The following VPS52 variants were observed in gnomAD, a reference collection of about 807,000 sequenced individuals.
VPS52 encodes the protein VPS52 subunit of GARP complex.
In VPS52, 56 loss-of-function variants were observed where a neutral mutation model predicts 98.7. The ratio of observed to expected loss-of-function variants is 0.57; its 90% CI spans 0.46 to 0.71. The LOEUF is 0.71. Ranked by LOEUF, VPS52 falls within the 30% of genes least tolerant of loss-of-function variation. The pLI, the probability that VPS52 is intolerant of heterozygous loss-of-function variation, is 0.00. For synonymous variants in VPS52, 348 were observed against 346.4 expected (o/e 1.00, Z -0.05); for missense variants, 742 against 925.9 (o/e 0.80, Z 2.58).
intron 17 of VPS52, chr6:33,255,117 C>T (rs1482755535): frequency 6.6e-6 from 1 of 152,116 alleles, no homozygotes; most frequent in Non-Finnish European, 1.5e-5. Flanking sequence ...TTGTGGCATG[C>T]ATTATATTCC....
chr6:33,269,851 G>A, intron 3 of VPS52, 32 bp from the exon 4 acceptor site: 2 of 1,607,652 alleles, frequency 1.2e-6, no homozygotes, highest in African/African-American at 1.3e-5. Context: ...AGGTCAGAAG[G>A]AAGTCTCAGT....
intron 12 of VPS52, 85 bp from the exon 13 acceptor site, chr6:33,264,985 T>C: frequency 8.2e-7 from 1 of 1,213,370 alleles, no homozygotes; most frequent in Non-Finnish European, 1.2e-6. Flanking sequence ...CATTTGTTTC[T>C]TTGGGGATGA....
In VPS52 at chr6:33,263,514, G is replaced by A; in HGVS notation, c.1764C>T (p.Ser588=). 2 of 1,613,912 alleles carry A rather than the reference G, an allele frequency of 1.2e-6. No individual in the cohort carries two copies. Among genetic ancestry groups the A allele is most frequent in the Non-Finnish European group, 1.7e-6 (2 of 1,180,012 alleles). ...RAADDSKEVE[S]FQQLLNARTQ... Reference sequence around the variant, plus strand: ...TCCGAGCATTGAGCAGCTGCTGGAAGCTCTCAACCTCTTTGCTGTCATCTG... The same window carrying A: ...TCCGAGCATTGAGCAGCTGCTGGAAACTCTCAACCTCTTTGCTGTCATCTG... Residue 588 remains serine (S), a synonymous_variant, in exon 17 of 20, where the codon AGC becomes AGT. Coordinates refer to ENST00000445902, the MANE Select transcript of VPS52 (RefSeq NM_022553.6).
Position 33,251,648 on chromosome 6 carries a change from A to C in VPS52, c.1907-12T>G. 1 of 1,601,672 alleles carries C rather than the reference A, an allele frequency of 6.2e-7. No homozygotes were observed. The highest frequency in any genetic ancestry group is 8.5e-7 in the Non-Finnish European group (1 of 1,169,770). On this transcript the variant is annotated splice_polypyrimidine_tract_variant and intron_variant, in intron 18 of 19. Transcript: ENST00000445902. ...CTGAGTTACCCGGGCTAATAGCAGG[A>C]GGAAACAGTGTCAGAGAGGGATCTG...
At chr6:33,254,052 C>G (rs889414681) in intron 17 of VPS52, among the ~76,000 whole-genome samples, 3 of 151,888 alleles carry the variant, frequency 2.0e-5, no homozygotes, top group Non-Finnish European at 4.4e-5. Flanking sequence ...AAGCAAACAA[C>G]CCAGACAGAA....
Position 33,267,163 on chromosome 6 carries a change from G to T in VPS52, c.1125+25C>A, listed in dbSNP as rs754938183. 6.8e-7 allele frequency: 1 copy of T among 1,467,218 alleles called. No homozygotes were observed. The highest frequency in any genetic ancestry group is 1.6e-5 in the South Asian group (1 of 63,644). 90.9% of individuals were successfully genotyped at this position (1,467,218 alleles called of 1,614,324 possible). ...CCACCGTGCTCAGAGCCTCTTTCGT[G>T]ACTGAAGCTTGTTCCTCCTCATACC... On this transcript the variant is annotated intron_variant, in intron 11 of 19. Coordinates refer to ENST00000445902, the MANE Select transcript of VPS52 (RefSeq NM_022553.6). This position sits in a 1 kb window ranked among gnomAD's most constrained non-coding sequence, Gnocchi z 4.2.
rs1762084904 is a variant in VPS52 at position 33,250,482 on chromosome 6, T to C, written c.*359A>G. Reference sequence around the variant, plus strand: ...TGAGGAGGCTTCATGCCTCAGGACATGGTGACTAGTTGAGTGAACCAGAGA... The same window carrying C: ...TGAGGAGGCTTCATGCCTCAGGACACGGTGACTAGTTGAGTGAACCAGAGA... On this transcript the variant is annotated 3_prime_UTR_variant, in exon 20 of 20. Transcript: ENST00000445902. 1 of 240,086 alleles carries C rather than the reference T, an allele frequency of 4.2e-6. No homozygotes were observed. Among genetic ancestry groups the C allele is most frequent in the African/African-American group, 2.3e-5 (1 of 44,158 alleles). 14.9% of individuals were successfully genotyped at this position (240,086 alleles called of 1,614,324 possible).
chr6:33,255,927 C>G (rs1762895139), intron 17 of VPS52, among the ~76,000 whole-genome samples: 1 of 152,098 alleles, frequency 6.6e-6, no homozygotes. Context: ...CAGGCATGAG[C>G]CACAGCACCA....
intron 17 of VPS52, among the ~76,000 whole-genome samples, chr6:33,258,547 T>C (rs1389038670): frequency 6.6e-6 from 1 of 152,052 alleles, no homozygotes; most frequent in Non-Finnish European, 1.5e-5. Context: ...ATGTAGATGA[T>C]GCAAAGAACT....
rs1365676973 is a variant in VPS52 at position 33,251,886 on chromosome 6, T to C, written c.1880A>G (p.Gln627Arg). ...KEAEALIERG[Q>R]AERLRGEEAR... is the part of the protein sequence containing the mutation. ...TTCTTCCCCTCGAAGTCGCTCAGCC[T>C]GTCCACGCTCAATCAAAGCCTCAGC... The change falls in exon 18 of 20, where the codon CAG becomes CGG. Residue 627 changes from glutamine (Q) to arginine (R), a missense_variant. Around this residue, in one of 2 missense-constraint regions of VPS52, gnomAD observed 590 missense variants for 793.3 expected, o/e 0.74. Transcript: ENST00000445902. 1.2e-6 allele frequency: 2 copies of C among 1,613,268 alleles called. No individual in the cohort carries two copies. The highest frequency in any genetic ancestry group is 1.7e-6 in the Non-Finnish European group (2 of 1,180,044).
At chr6:33,266,160 A>ATT (rs9280390) in intron 12 of VPS52, among the ~76,000 whole-genome samples, 32 of 119,634 alleles carry the variant, frequency 2.7e-4, no homozygotes, top group Admixed American at 3.5e-4. Flanking sequence ...GCACCTGGCT[A>ATT]TTTTTTTTTT....
At chr6:33,257,004 C>T (rs1021013558) in intron 17 of VPS52, among the ~76,000 whole-genome samples, 1 of 151,246 alleles carries the variant, frequency 6.6e-6, no homozygotes, top group Non-Finnish European at 1.5e-5. Flanking sequence ...CAAAAAAATT[C>T]TCTCTATATA....
Position 33,269,336 on chromosome 6 carries a change from T to G in VPS52, c.373-147A>C, listed in dbSNP as rs545829010. 23 of 1,405,550 alleles carry G rather than the reference T, an allele frequency of 1.6e-5. No homozygotes were observed. In the Admixed American group the frequency reaches 3.9e-4, roughly 24 times the overall value. 87.1% of individuals were successfully genotyped at this position (1,405,550 alleles called of 1,614,324 possible). A position where few individuals can be genotyped will look rare whatever the true frequency, so the allele number is the denominator to read the frequency against. On this transcript the variant is annotated intron_variant, in intron 5 of 19. Coordinates refer to ENST00000445902, the MANE Select transcript of VPS52 (RefSeq NM_022553.6). ...ACCCCAGATTATCAGGAAATAACATTAAATATGGCAGTAATAACAAAAAAG... is the reference window on the plus strand; with the variant it reads ...ACCCCAGATTATCAGGAAATAACATGAAATATGGCAGTAATAACAAAAAAG...
At chr6:33,265,038 C>G (rs1764132792) in intron 12 of VPS52, 138 bp from the exon 13 acceptor site, 9 of 798,598 alleles carry the variant, frequency 1.1e-5, no homozygotes, top group Non-Finnish European at 1.9e-5. Context: ...AATGGAACTG[C>G]CCCCTGCTTT....
chr6:33,258,788 G>GA (rs1009013381), intron 17 of VPS52, among the ~76,000 whole-genome samples: 6 of 152,068 alleles, frequency 3.9e-5, no homozygotes, highest in Non-Finnish European at 7.4e-5. Context: ...GGCTGGTCTT[G>GA]AATTACTGGC....
intron 17 of VPS52, among the ~76,000 whole-genome samples, chr6:33,261,965 GGGAGGC>G: frequency 6.7e-6 from 1 of 150,270 alleles, no homozygotes; most frequent in East Asian, 2.0e-4. Flanking sequence ...GCTTGAACCT[GGGAGGC>G]GGAGGTTGCG....
chr6:33,267,707 C>T lies in VPS52; in HGVS notation c.966G>A (p.Met322Ile), dbSNP rs770623075. 6.2e-7 allele frequency: 1 copy of T among 1,613,012 alleles called. No homozygotes were observed. Among genetic ancestry groups the T allele is most frequent in the East Asian group, 2.2e-5 (1 of 44,888 alleles). The part of the protein sequence containing the change: ...YEEVAEKDDL[M>I]GVEDTAKKGF... ...CTTTCTTTGCTGTATCTTCCACACC[C>T]ATTAGATCATCTTTCTCAGCGACTT... Residue 322 changes from methionine to isoleucine, a missense_variant, in exon 10 of 20, where the codon ATG becomes ATA. Met to Ile is a conservative substitution (Grantham distance 10, BLOSUM62 1). Around this residue, in one of 2 missense-constraint regions of VPS52, gnomAD observed 590 missense variants for 793.3 expected, o/e 0.74. Coordinates refer to ENST00000445902, the MANE Select transcript of VPS52 (RefSeq NM_022553.6). The surrounding 1 kb of genome is among the most constrained non-coding windows in gnomAD (Gnocchi z 4.2).
chr6:33,265,075 T>C (rs900329545), intron 12 of VPS52, among the ~76,000 whole-genome samples, 175 bp from the exon 13 acceptor site: 2 of 151,712 alleles, frequency 1.3e-5, no homozygotes, highest in Non-Finnish European at 2.9e-5. Context: ...GTTTTTGGCT[T>C]TTTTTTTGTT....
chr6:33,254,083 G>A (rs2150793529), intron 17 of VPS52, among the ~76,000 whole-genome samples: 1 of 152,000 alleles, frequency 6.6e-6, no homozygotes. Context: ...AGAAGAAAGT[G>A]AAATTATTAT....
Sources: gnomAD v4.1 joint callset for allele counts (sites outside exome capture counted in the v4.1 genomes callset) on GRCh38, gnomAD v4.1.1 for gene constraint, gnomAD v4.1.1 regional missense constraint, Gnocchi (gnomAD v3.1) non-coding constraint, MANE v1.5 for transcripts, NCBI Gene and HGNC (gene_info 2026-07-23, HGNC 2026-07-21) for gene names.